RHOA: variants seen among roughly 807,000 people sequenced by gnomAD.
The protein encoded by RHOA is ras homolog family member A, also known as transforming protein RhoA.
A neutral mutation model predicts 17.5 loss-of-function variants in RHOA; 3 were observed. The ratio of observed to expected loss-of-function variants is 0.17; its 90% CI spans 0.08 to 0.44. RHOA has a LOEUF of 0.44. Among genes scored for constraint, RHOA ranks in the 20% least tolerant of loss-of-function variants. The probability of loss-of-function intolerance (pLI) is 0.99; values close to 1 mark genes in which losing one functional copy is unlikely to be tolerated. For synonymous variants in RHOA, 98 were observed against 88.4 expected, an observed-to-expected ratio of 1.11 and a Z score of -0.61; for missense variants, 56 against 242.3, an observed-to-expected ratio of 0.23 and a Z score of 5.10.
At chr3:49,382,670 A>G (rs758804984) in intron 1 of RHOA, among the ~76,000 whole-genome samples, 2 of 152,122 alleles carry the variant, frequency 1.3e-5, no homozygotes, top group East Asian at 1.9e-4. Flanking sequence ...TACATCTCTC[A>G]TAAGGCCTAA....
chr3:49,363,813 C>T (rs1273835839), intron 3 of RHOA, among the ~76,000 whole-genome samples: 1 of 151,982 alleles, frequency 6.6e-6, no homozygotes, highest in African/African-American at 2.4e-5. Context: ...GATCGCAATA[C>T]TACACTCACT....
At chr3:49,401,558 C>CAAA (rs5848878) in intron 1 of RHOA, among the ~76,000 whole-genome samples, 3 of 131,948 alleles carry the variant, frequency 2.3e-5, no homozygotes, top group Non-Finnish European at 4.8e-5. Flanking sequence ...AACTCTGTCT[C>CAAA]AAAAAAAAAA....
intron 1 of RHOA, among the ~76,000 whole-genome samples, chr3:49,400,030 G>A (rs1428137976): frequency 6.6e-6 from 1 of 151,758 alleles, no homozygotes; most frequent in Non-Finnish European, 1.5e-5. Flanking sequence ...GACCAACAAG[G>A]TGAAACCCGT....
At chr3:49,401,041 CAAAAAA>C (rs57354041) in intron 1 of RHOA, among the ~76,000 whole-genome samples, 10 of 67,578 alleles carry the variant, frequency 1.5e-4, no homozygotes, top group Admixed American at 6.7e-4. Context: ...GACTCCGTCT[CAAAAAA>C]AAAAAAAAAA....
intron 1 of RHOA, among the ~76,000 whole-genome samples, chr3:49,400,401 T>C (rs960484245): frequency 2.0e-5 from 3 of 151,830 alleles, no homozygotes; most frequent in Non-Finnish European, 4.4e-5. Context: ...CCCCTAAACC[T>C]CATTTTAAAG....
At chr3:49,364,087 C>T (rs1314243783) in intron 3 of RHOA, among the ~76,000 whole-genome samples, 8 of 151,942 alleles carry the variant, frequency 5.3e-5, no homozygotes, top group Middle Eastern at 3.4e-3. Context: ...CAGTGGCTCA[C>T]GTCTATAATC....
chr3:49,378,227 T>C (rs1338855675), intron 1 of RHOA, among the ~76,000 whole-genome samples: 2 of 141,738 alleles, frequency 1.4e-5, no homozygotes, highest in Non-Finnish European at 3.1e-5. Context: ...ACGCTATTTA[T>C]CTATCCATCT....
intron 2 of RHOA, among the ~76,000 whole-genome samples, chr3:49,372,239 A>G (rs1559499893): frequency 1.3e-5 from 2 of 152,262 alleles, no homozygotes; most frequent in South Asian, 4.1e-4. Context: ...AGGACCACAA[A>G]AACACCTATG....
At chr3:49,411,062 C>T (rs1032033112) in intron 1 of RHOA, among the ~76,000 whole-genome samples, 1 of 152,202 alleles carries the variant, frequency 6.6e-6, no homozygotes, top group Non-Finnish European at 1.5e-5. Flanking sequence ...TAGATCATTC[C>T]TAATCAATAC....
At chr3:49,395,143 C>A (rs764826183) in intron 1 of RHOA, among the ~76,000 whole-genome samples, 2 of 150,954 alleles carry the variant, frequency 1.3e-5, no homozygotes, top group Non-Finnish European at 2.9e-5. Context: ...CCCAGCTACT[C>A]GGGAGGCTGA....
At chr3:49,408,706 TTAA>T (rs1298081581) in intron 1 of RHOA, among the ~76,000 whole-genome samples, 1 of 152,182 alleles carries the variant, frequency 6.6e-6, no homozygotes, top group Non-Finnish European at 1.5e-5. Context: ...TTTAGTTATA[TTAA>T]TGTGTAGTTA....
intron 1 of RHOA, among the ~76,000 whole-genome samples, chr3:49,384,869 G>C (rs2048371538): frequency 6.6e-6 from 1 of 152,012 alleles, no homozygotes; most frequent in Non-Finnish European, 1.5e-5. Context: ...GAAACCAGCA[G>C]CCTGGCCAAC....
chr3:49,380,708 AATAATAAT>A (rs2048302215), intron 1 of RHOA, among the ~76,000 whole-genome samples: 4 of 146,724 alleles, frequency 2.7e-5, no homozygotes, highest in Admixed American at 6.9e-5. Flanking sequence ...TAATAATAAT[AATAATAAT>A]AATAAATACT....
intron 1 of RHOA, among the ~76,000 whole-genome samples, chr3:49,386,113 G>C (rs1575663029): frequency 6.6e-6 from 1 of 152,238 alleles, no homozygotes; most frequent in Non-Finnish European, 1.5e-5. Flanking sequence ...CTGCAAAAAA[G>C]CCAGCTGGAA....
At chr3:49,364,235 C>T (rs1335116986) in intron 3 of RHOA, among the ~76,000 whole-genome samples, 1 of 151,972 alleles carries the variant, frequency 6.6e-6, no homozygotes, top group Non-Finnish European at 1.5e-5. Flanking sequence ...CCTATAATCC[C>T]AGCACTGTGA....
At chr3:49,368,183 G>A (rs144924527) in intron 3 of RHOA, among the ~76,000 whole-genome samples, 1 of 152,240 alleles carries the variant, frequency 6.6e-6, no homozygotes, top group East Asian at 1.9e-4. Flanking sequence ...AAAGCGCAGG[G>A]ATTATAGGTG....
intron 2 of RHOA, among the ~76,000 whole-genome samples, chr3:49,369,901 C>G (rs1001122373): frequency 1.8e-4 from 27 of 152,094 alleles, no homozygotes; most frequent in African/African-American, 6.5e-4. Flanking sequence ...AACCCCATCT[C>G]TACTGAAAAT....
chr3:49,368,576 T>G, intron 2 of RHOA, 28 bp from the exon 3 acceptor site: 1 of 1,613,264 alleles, frequency 6.2e-7, no homozygotes. Flanking sequence ...ACCACAAGAG[T>G]GCAAGGTTAA....
intron 1 of RHOA, among the ~76,000 whole-genome samples, chr3:49,396,685 C>A (rs1290242007): frequency 6.6e-6 from 1 of 151,924 alleles, no homozygotes; most frequent in African/African-American, 2.4e-5. Context: ...CCAGACTGGG[C>A]AACAAGAGCA....
Sources: gnomAD v4.1 joint callset for allele counts (sites outside exome capture counted in the v4.1 genomes callset) on GRCh38, gnomAD v4.1.1 for gene constraint, MANE v1.5 for transcripts, NCBI Gene and HGNC (gene_info 2026-07-23, HGNC 2026-07-21) for gene names.